The following PRKX variants were observed in gnomAD, a reference collection of about 807,000 sequenced individuals.
PRKX encodes protein kinase cAMP-dependent X-linked catalytic subunit.
Under a neutral mutation model 22.0 loss-of-function variants are expected in PRKX, and 12 were observed. The observed-to-expected ratio is 0.54, with a 90% confidence interval of 0.35 to 0.88. The LOEUF (loss-of-function observed/expected upper bound fraction) is 0.88, where lower values mean the gene tolerates loss of function less well. Among genes scored for constraint, PRKX ranks in the 40% least tolerant of loss-of-function variants. The probability of loss-of-function intolerance (pLI) is 0.01; values close to 1 mark genes in which losing one functional copy is unlikely to be tolerated. For missense variants in PRKX, 217 were observed against 308.0 expected (o/e 0.70, Z 2.21); for synonymous variants, 134 against 137.7 (o/e 0.97, Z 0.19).
At chrX:3,665,380 T>G (rs6641830) in intron 2 of PRKX, among the ~76,000 whole-genome samples, 19,188 of 109,929 alleles carry the variant, frequency 0.17, 1,382 homozygotes, top group East Asian at 0.35. Context: ...GGAGGCTGAG[T>G]TGGAAGAATC....
chrX:3,628,369 G>A (rs956424931), intron 4 of PRKX, among the ~76,000 whole-genome samples: 2 of 110,915 alleles, frequency 1.8e-5, no homozygotes, highest in African/African-American at 6.5e-5. Flanking sequence ...ATAACATGTC[G>A]TATTGTTTCA....
At position 3,608,277 on chromosome X, in the gene PRKX, C is replaced by A. The variant is rs939685108; in HGVS notation, c.*692G>T. 9.1e-6 allele frequency: 1 copy of A among 109,929 alleles called. No homozygotes were observed. The allele number at this position is 109,929 out of a possible 1,213,427, so 9.1% of individuals were successfully genotyped here. A position where few individuals can be genotyped will look rare whatever the true frequency, so the allele number is the denominator to read the frequency against. ...TCATTGTAGATTCTTGGAATAAATT[C>A]GCTCCCATATCTTCCCCTCTTTGTT... On this transcript the variant is annotated 3_prime_UTR_variant, in exon 9 of 9. Coordinates refer to ENST00000262848, the MANE Select transcript of PRKX (RefSeq NM_005044.5).
chrX:3,663,468 A>ACACACACACACAC (rs552837211), intron 2 of PRKX, among the ~76,000 whole-genome samples: 5 of 53,630 alleles, frequency 9.3e-5, no homozygotes, highest in Non-Finnish European at 1.3e-4. Context: ...ACACACACAC[A>ACACACACACACAC]AAAAAATTCA....
chrX:3,678,916 G>C (rs183325368), intron 1 of PRKX, among the ~76,000 whole-genome samples: 1 of 111,533 alleles, frequency 9.0e-6, no homozygotes, highest in Admixed American at 9.6e-5. Context: ...GTGTTTTCAA[G>C]TGTTTCTAGG....
chrX:3,689,813 T>C (rs1162372245), intron 1 of PRKX, among the ~76,000 whole-genome samples: 1 of 111,131 alleles, frequency 9.0e-6, no homozygotes, highest in Non-Finnish European at 1.9e-5. Flanking sequence ...CTGTCTCCAC[T>C]AAAAATACAA....
At chrX:3,631,955 C>G (rs1276877072) in intron 4 of PRKX, among the ~76,000 whole-genome samples, 1 of 112,097 alleles carries the variant, frequency 8.9e-6, no homozygotes, top group Non-Finnish European at 1.9e-5. Flanking sequence ...GACATTCATA[C>G]GTAGAACTAC....
chrX:3,615,011 ATT>A (rs761643511), intron 7 of PRKX, among the ~76,000 whole-genome samples: 9 of 59,754 alleles, frequency 1.5e-4, no homozygotes, highest in Admixed American at 2.4e-4. Context: ...AAAATGCCAG[ATT>A]TTTTTTTTTT....
chrX:3,619,416 C>T (rs1429241499), intron 6 of PRKX, among the ~76,000 whole-genome samples: 1 of 111,805 alleles, frequency 8.9e-6, no homozygotes, highest in Non-Finnish European at 1.9e-5. Flanking sequence ...TCCTGACTCC[C>T]AGTACCTGGG....
chrX:3,708,950 C>T (rs1421443903), intron 1 of PRKX, among the ~76,000 whole-genome samples: 1 of 109,647 alleles, frequency 9.1e-6, no homozygotes, highest in Non-Finnish European at 1.9e-5. Flanking sequence ...CAAATCCACA[C>T]ACTGGGTAAA....
At chrX:3,705,519 C>T (rs1289925706) in intron 1 of PRKX, among the ~76,000 whole-genome samples, 3 of 110,977 alleles carry the variant, frequency 2.7e-5, no homozygotes, top group Non-Finnish European at 5.7e-5. Flanking sequence ...AGAGGGAACC[C>T]GTCACACAGA....
intron 4 of PRKX, among the ~76,000 whole-genome samples, chrX:3,635,624 G>A (rs1926872166): frequency 9.1e-6 from 1 of 110,122 alleles, no homozygotes; most frequent in African/African-American, 3.3e-5. Flanking sequence ...GTCTTGCTCT[G>A]TTACCCAAGC....
At chrX:3,623,604 T>C (rs1194703594) in intron 5 of PRKX, among the ~76,000 whole-genome samples, 2 of 111,109 alleles carry the variant, frequency 1.8e-5, no homozygotes, top group East Asian at 5.7e-4. Context: ...TAAAGCAGTC[T>C]AGAAAGTAAA....
chrX:3,644,770 A>G (rs1927155296), intron 3 of PRKX, among the ~76,000 whole-genome samples: 1 of 111,682 alleles, frequency 9.0e-6, no homozygotes, highest in African/African-American at 3.3e-5. Context: ...TTGTATTTCC[A>G]CCTTTCTAGC....
intron 2 of PRKX, among the ~76,000 whole-genome samples, chrX:3,667,735 T>G (rs1927764965): frequency 9.0e-6 from 1 of 110,867 alleles, no homozygotes; most frequent in African/African-American, 3.3e-5. Context: ...CCAGTCCCCA[T>G]GGCAGTCTCC....
chrX:3,663,816 C>T (rs1424414864), intron 2 of PRKX, among the ~76,000 whole-genome samples: 1 of 110,523 alleles, frequency 9.0e-6, no homozygotes, highest in South Asian at 3.9e-4. Flanking sequence ...AGAGCAGGAA[C>T]TCATTTTTGG....
chrX:3,710,749 C>T (rs766673362), intron 1 of PRKX, among the ~76,000 whole-genome samples: 1 of 111,855 alleles, frequency 8.9e-6, no homozygotes, highest in African/African-American at 3.3e-5. Flanking sequence ...TGCCCACCCC[C>T]CAAAAAGTTC....
chrX:3,615,921 T>C (rs2302750), intron 6 of PRKX, 29 bp from the exon 7 acceptor site: 483,432 of 1,176,597 alleles, frequency 0.41, 69,101 homozygotes, highest in African/African-American at 0.63. Flanking sequence ...ATGTCGTCAG[T>C]GTACAGAATT....
At chrX:3,627,651 C>T (rs1335018350) in intron 4 of PRKX, among the ~76,000 whole-genome samples, 4 of 108,699 alleles carry the variant, frequency 3.7e-5, no homozygotes, top group African/African-American at 1.0e-4. Context: ...TTTTGTAGAG[C>T]GGGGGTTTCA....
At chrX:3,666,407 C>T (rs1448088032) in intron 2 of PRKX, among the ~76,000 whole-genome samples, 6 of 110,576 alleles carry the variant, frequency 5.4e-5, no homozygotes, top group Non-Finnish European at 3.8e-5. Context: ...CCGTCCACCT[C>T]GGCCTCCCAA....
Sources: gnomAD v4.1 joint callset for allele counts (sites outside exome capture counted in the v4.1 genomes callset) on GRCh38, gnomAD v4.1.1 for gene constraint, MANE v1.5 for transcripts, NCBI Gene and HGNC (gene_info 2026-07-23, HGNC 2026-07-21) for gene names.